Variants in PCDHGA2 observed in about 807,000 individuals in gnomAD.
The protein encoded by PCDHGA2 is protocadherin gamma-A2.
In PCDHGA2, 40 loss-of-function variants were observed where a neutral mutation model predicts 59.2. The observed-to-expected ratio is 0.68, with a 90% CI of 0.52 to 0.88. The LOEUF is 0.88. Ranked by LOEUF, PCDHGA2 falls within the 40% of genes least tolerant of loss-of-function variation. PCDHGA2 has a pLI of 0.00. For missense variants in PCDHGA2, 1,226 were observed against 1,204.0 expected, an observed-to-expected ratio of 1.02 and a Z score of -0.27; for synonymous variants, 560 against 526.0, an observed-to-expected ratio of 1.06 and a Z score of -0.89.
Position 141,480,177 on chromosome 5 carries a change from G to T in PCDHGA2, c.2425-14630G>T, listed in dbSNP as rs570721769. 4.6e-5 allele frequency among the ~76,000 whole-genome samples: 7 copies of T among 152,066 alleles called. No homozygotes were observed. In the South Asian group the frequency reaches 6.3e-4, roughly 14 times the overall value. ...CTAGCATTTTGGGAGGCTGAGGCAGGCGGATTGCTTGAGGCCAGCAGTTCA... is the reference window on the plus strand; with the variant it reads ...CTAGCATTTTGGGAGGCTGAGGCAGTCGGATTGCTTGAGGCCAGCAGTTCA... On this transcript the variant is annotated intron_variant, in intron 1 of 3. Coordinates refer to ENST00000394576, the MANE Select transcript of PCDHGA2 (RefSeq NM_018915.4).
Position 141,511,390 on chromosome 5 carries a change from C to T in PCDHGA2, c.*217C>T, listed in dbSNP as rs2099883760. 1.8e-6 allele frequency: 2 copies of T among 1,101,460 alleles called. No individual in the cohort carries two copies. Among genetic ancestry groups the T allele is most frequent in the Admixed American group, 2.9e-5 (1 of 34,440 alleles). The allele number at this position is 1,101,460 out of a possible 1,614,324, so 68.2% of individuals were successfully genotyped here. A position where few individuals can be genotyped will look rare whatever the true frequency, so the allele number is the denominator to read the frequency against. On this transcript the variant is annotated 3_prime_UTR_variant, in exon 4 of 4. Transcript: ENST00000394576. ...ATGCAAAAGCAGTTCCGCTGGGAAC[C>T]CCCATCCAATCAACTGCTGTACCCA... is the stretch of plus-strand genomic sequence containing the variant.
chr5:141,388,910 C>T, intron 1 of PCDHGA2: 1 of 1,613,852 alleles, frequency 6.2e-7, no homozygotes, highest in East Asian at 2.2e-5. Context: ...ATGACAACGC[C>T]CCAGAAGTGA....
chr5:141,344,481 AC>A, intron 1 of PCDHGA2: 1 of 1,613,924 alleles, frequency 6.2e-7, no homozygotes, highest in Non-Finnish European at 8.5e-7. Context: ...GGTTCCTGGA[AC>A]CCGATTTCCA....
intron 1 of PCDHGA2, chr5:141,492,079 G>A (rs1400390407): frequency 4.1e-6 from 2 of 486,168 alleles, no homozygotes; most frequent in African/African-American, 2.0e-5. Context: ...CGCCGGCTCC[G>A]GCACGCTTCG....
chr5:141,431,648 A>G lies in PCDHGA2; in HGVS notation c.2425-63159A>G. 2 of 1,614,240 alleles carry G rather than the reference A, an allele frequency of 1.2e-6. No individual in the cohort carries two copies. The highest frequency in any genetic ancestry group is 1.7e-6 in the Non-Finnish European group (2 of 1,180,046). On this transcript the variant is annotated intron_variant, in intron 1 of 3. Transcript: ENST00000394576. The surrounding 1 kb of genome is among the most constrained non-coding windows in gnomAD (Gnocchi z 4.8). ...GGCCCAAGTTTTCAAACTAGATTGT[A>G]ATTCAGGGACAATATCAACAATAGG...
chr5:141,399,510 C>G, intron 1 of PCDHGA2: 1 of 1,614,040 alleles, frequency 6.2e-7, no homozygotes, highest in East Asian at 2.2e-5. Flanking sequence ...CCGAAAACAA[C>G]CCTCCTGGGG....
At position 141,400,611 on chromosome 5, in the gene PCDHGA2, G is replaced by A. The variant is rs555600694; in HGVS notation, c.2424+59216G>A. The A allele has an allele frequency of 1.3e-5, 20 of 1,573,002 alleles. No homozygotes were observed. In the African/African-American group the frequency reaches 2.4e-4, roughly 19 times the overall value. On this transcript the variant is annotated intron_variant, in intron 1 of 3. Coordinates refer to ENST00000394576, the MANE Select transcript of PCDHGA2 (RefSeq NM_018915.4). The stretch of plus-strand genomic sequence containing the variant: ...ACTATCGTACATTTTCAAGTCCAAT[G>A]AGTTGTCTTAGGGAAGTCAGAGCTG...
chr5:141,394,532 T>G (rs1259695027), intron 1 of PCDHGA2: 7 of 1,614,188 alleles, frequency 4.3e-6, no homozygotes, highest in East Asian at 4.5e-5. Flanking sequence ...ACGGTTCCAC[T>G]GGCGTGGAGC....
chr5:141,384,464 A>G, intron 1 of PCDHGA2: 2 of 1,614,112 alleles, frequency 1.2e-6, no homozygotes, highest in Non-Finnish European at 1.7e-6. Context: ...TCCTTTGATT[A>G]TGAGCAGTTG....
intron 1 of PCDHGA2, among the ~76,000 whole-genome samples, chr5:141,353,714 T>C (rs1759366304): frequency 6.6e-6 from 1 of 152,272 alleles, no homozygotes; most frequent in Non-Finnish European, 1.5e-5. Flanking sequence ...GTTTCTTTAG[T>C]GTAGATTTCT....
At chr5:141,372,314 G>T (rs369724462) in intron 1 of PCDHGA2, 1 of 1,613,578 alleles carries the variant, frequency 6.2e-7, no homozygotes, top group East Asian at 2.2e-5. Context: ...CCGCCCGCCA[G>T]CGCCTGCTGG....
In PCDHGA2 at chr5:141,355,168, C is replaced by T. The variant is rs767745541; in HGVS notation, c.2424+13773C>T. ...TCCTCAGGCCTCGACAGAGGGAAAA[C>T]CGAAGCACAGGCGACTCCGCGGCGG... On this transcript the variant is annotated intron_variant, in intron 1 of 3. Transcript: ENST00000394576. 3 of 1,568,158 alleles carry T rather than the reference C, an allele frequency of 1.9e-6. No homozygotes were observed. In the African/African-American group the frequency reaches 4.1e-5, roughly 21 times the overall value.
chr5:141,474,721 A>T (rs942537231), intron 1 of PCDHGA2, among the ~76,000 whole-genome samples: 10 of 152,214 alleles, frequency 6.6e-5, no homozygotes, highest in African/African-American at 1.7e-4. Flanking sequence ...CTTCAAAAGG[A>T]CTCTATGCAA....
At position 141,494,826 on chromosome 5, in the gene PCDHGA2, A is replaced by C; in HGVS notation, c.2444A>C (p.Asp815Ala). The change falls in exon 2 of 4, where the codon GAC becomes GCC. Residue 815 changes from aspartate to alanine, a missense_variant. Asp to Ala is a moderately radical substitution (Grantham distance 126, BLOSUM62 -2). Transcript: ENST00000394576. The part of the protein sequence containing the change: ...TFSQQAPPNT[D>A]WRFSQAQRPG... ...CCACAGCAAGCCCCGCCCAACACGGACTGGCGTTTCTCTCAGGCCCAGAGA... is the reference window on the plus strand; with the variant it reads ...CCACAGCAAGCCCCGCCCAACACGGCCTGGCGTTTCTCTCAGGCCCAGAGA... 4 of 1,613,960 alleles carry C rather than the reference A, an allele frequency of 2.5e-6. No individual in the cohort carries two copies. Among genetic ancestry groups the C allele is most frequent in the Non-Finnish European group, 3.4e-6 (4 of 1,179,976 alleles).
At chr5:141,379,679 T>C (rs561648427) in intron 1 of PCDHGA2, 1 of 152,142 alleles carries the variant, frequency 6.6e-6, no homozygotes, top group African/African-American at 2.4e-5. Flanking sequence ...CATTCACTCA[T>C]GTGGACTGAC....
Position 141,361,522 on chromosome 5 carries a change from G to C in PCDHGA2, c.2424+20127G>C. 13 of 1,614,054 alleles carry C rather than the reference G, an allele frequency of 8.1e-6. No individual in the cohort carries two copies. The highest frequency in any genetic ancestry group is 1.0e-5 in the Non-Finnish European group (12 of 1,179,900). On this transcript the variant is annotated intron_variant, in intron 1 of 3. Coordinates refer to ENST00000394576, the MANE Select transcript of PCDHGA2 (RefSeq NM_018915.4). ...GACTTCCTACATGGTTCACGTGGCA[G>C]AGAACAATCCTCCTGGCGCCTCTAT... is the stretch of plus-strand genomic sequence containing the variant.
chr5:141,408,510 A>G (rs1298660421), intron 1 of PCDHGA2: 21 of 1,613,870 alleles, frequency 1.3e-5, no homozygotes, highest in Non-Finnish European at 1.8e-5. Context: ...AGAAGATGTG[A>G]GTTGCAATTG....
chr5:141,431,624 G>C lies in PCDHGA2; in HGVS notation c.2425-63183G>C. The C allele has an allele frequency of 2.5e-6, 4 of 1,614,234 alleles. No individual in the cohort carries two copies. Among genetic ancestry groups the C allele is most frequent in the Non-Finnish European group, 3.4e-6 (4 of 1,180,038 alleles). On this transcript the variant is annotated intron_variant, in intron 1 of 3. Transcript: ENST00000394576. This position sits in a 1 kb window ranked among gnomAD's most constrained non-coding sequence, Gnocchi z 4.8. ...CTTCCGGTATGTGGACGACAAGGCG[G>C]CCCAAGTTTTCAAACTAGATTGTAA...
chr5:141,399,619 G>C (rs749025661), intron 1 of PCDHGA2: 1 of 1,613,902 alleles, frequency 6.2e-7, no homozygotes, highest in Non-Finnish European at 8.5e-7. Context: ...TCTGGCACTG[G>C]CCTCTTACGT....
Sources: allele counts gnomAD v4.1 joint callset (sites outside exome capture counted in the v4.1 genomes callset), GRCh38; gene constraint gnomAD v4.1.1; non-coding constraint Gnocchi (gnomAD v3.1); transcripts MANE v1.5; gene names NCBI Gene and HGNC (gene_info 2026-07-23, HGNC 2026-07-21).